Variants in PRKCB observed in about 807,000 individuals in gnomAD.
The protein encoded by PRKCB is protein kinase C beta type.
Under a neutral mutation model 81.5 loss-of-function variants are expected in PRKCB, and 13 were observed. The observed-to-expected ratio is 0.16, with a 90% CI of 0.10 to 0.25. The LOEUF (loss-of-function observed/expected upper bound fraction) is 0.25. PRKCB is among the 10% of genes least tolerant of loss of function. The pLI, the probability that PRKCB is intolerant of heterozygous loss-of-function variation, is 1.00. For synonymous variants in PRKCB, 335 were observed against 321.4 expected (o/e 1.04, Z -0.45); for missense variants, 509 against 875.7 (o/e 0.58, Z 5.29).
At chr16:23,925,922 C>G (rs1963890323) in intron 2 of PRKCB, among the ~76,000 whole-genome samples, 1 of 150,678 alleles carries the variant, frequency 6.6e-6, no homozygotes, top group Non-Finnish European at 1.5e-5. Flanking sequence ...TTGACTTTCT[C>G]TTTCTGAGTT....
At chr16:23,925,447 G>GT (rs1476410986) in intron 2 of PRKCB, among the ~76,000 whole-genome samples, 2 of 151,978 alleles carry the variant, frequency 1.3e-5, no homozygotes, top group Non-Finnish European at 2.9e-5. Context: ...CAGGATGCCT[G>GT]TGTTCTTAAG....
Position 24,216,940 on chromosome 16 carries a change from C to G in PRKCB, c.*2124C>G. 3 of 985,380 alleles carry G rather than the reference C, an allele frequency of 3.0e-6. No individual in the cohort carries two copies. Among genetic ancestry groups the G allele is most frequent in the Non-Finnish European group, 3.6e-6 (3 of 829,928 alleles). 61.0% of individuals were successfully genotyped at this position (985,380 alleles called of 1,614,324 possible). A position where few individuals can be genotyped will look rare whatever the true frequency, so the allele number is the denominator to read the frequency against. On this transcript the variant is annotated 3_prime_UTR_variant, in exon 17 of 17. Transcript: ENST00000643927. ...GGCAGCAGACATCTCTGAGCCAGGC[C>G]CACCAACAGGCCCTTATCTGGTGGT...
At chr16:23,993,941 A>C (rs918115064) in intron 3 of PRKCB, among the ~76,000 whole-genome samples, 2 of 152,234 alleles carry the variant, frequency 1.3e-5, no homozygotes, top group African/African-American at 4.8e-5. Flanking sequence ...AATCATAAAA[A>C]TAGAGAATCA....
At chr16:24,198,906 A>T (rs2141985159) in intron 16 of PRKCB, among the ~76,000 whole-genome samples, 1 of 152,254 alleles carries the variant, frequency 6.6e-6, no homozygotes, top group East Asian at 1.9e-4. Flanking sequence ...TCCTGTCTAG[A>T]CATCACTACA....
intron 2 of PRKCB, among the ~76,000 whole-genome samples, chr16:23,881,507 C>T (rs1963106816): frequency 6.6e-6 from 1 of 152,160 alleles, no homozygotes; most frequent in Non-Finnish European, 1.5e-5. Flanking sequence ...TCACCTTGGC[C>T]TCCCAAAGTG....
At chr16:24,164,687 G>A (rs550602537) in intron 10 of PRKCB, among the ~76,000 whole-genome samples, 1 of 152,344 alleles carries the variant, frequency 6.6e-6, no homozygotes, top group South Asian at 2.1e-4. Flanking sequence ...TCAGCCCAGC[G>A]AGATGAGAGT....
intron 5 of PRKCB, among the ~76,000 whole-genome samples, chr16:24,056,291 C>T (rs1965901807): frequency 6.6e-6 from 1 of 152,214 alleles, no homozygotes; most frequent in African/African-American, 2.4e-5. Flanking sequence ...CCATCTCTGC[C>T]TGTCACTAGT....
chr16:24,027,976 C>T (rs1965503792), intron 3 of PRKCB, among the ~76,000 whole-genome samples: 1 of 152,148 alleles, frequency 6.6e-6, no homozygotes, highest in African/African-American at 2.4e-5. Flanking sequence ...CACTGTGTTG[C>T]CTAGGCTGAT....
chr16:23,935,092 G>T (rs1170166223), intron 2 of PRKCB, among the ~76,000 whole-genome samples: 2 of 152,096 alleles, frequency 1.3e-5, no homozygotes, highest in East Asian at 3.9e-4. Flanking sequence ...GGGCTTAATA[G>T]GTACAAACTG....
intron 9 of PRKCB, among the ~76,000 whole-genome samples, chr16:24,133,477 C>T (rs1293373530): frequency 6.6e-6 from 1 of 152,216 alleles, no homozygotes; most frequent in Non-Finnish European, 1.5e-5. Flanking sequence ...AGGCTTCAGC[C>T]TTATGGGAGT....
At position 23,836,616 on chromosome 16, in the gene PRKCB, C is replaced by T. The variant is rs192020618; in HGVS notation, c.173+268C>T. On this transcript the variant is annotated intron_variant, in intron 1 of 16. Transcript: ENST00000643927. ...GCGCCTCTAGAGCGCCCAGGGGCGG[C>T]GTCGCGGGAGCCTTTGCTCCACCTG... 5.3e-5 allele frequency among the ~76,000 whole-genome samples: 8 copies of T among 151,884 alleles called. No homozygotes were observed. In the East Asian group the frequency reaches 1.6e-3, roughly 30 times the overall value.
intron 5 of PRKCB, among the ~76,000 whole-genome samples, chr16:24,092,014 T>G (rs1256555935): frequency 1.3e-5 from 2 of 152,198 alleles, no homozygotes; most frequent in Admixed American, 1.3e-4. Flanking sequence ...GAGGTAAAAT[T>G]AACGTAACAT....
Position 23,970,556 on chromosome 16 carries a change from C to T in PRKCB, c.206-17952C>T, listed in dbSNP as rs553321420. ...TTTTTTTACTTTCATTCAGCCTTCC[C>T]ATTTTTCTTCAAAGGGCAGAATATG... On this transcript the variant is annotated intron_variant, in intron 2 of 16. Coordinates refer to ENST00000643927, the MANE Select transcript of PRKCB (RefSeq NM_002738.7). Among the ~76,000 whole-genome samples, 5 of 152,330 alleles carry T rather than the reference C, an allele frequency of 3.3e-5. No homozygotes were observed. In the South Asian group the frequency reaches 1.0e-3, roughly 32 times the overall value.
At chr16:24,135,796 T>TATAC (rs897237132) in intron 9 of PRKCB, among the ~76,000 whole-genome samples, 5 of 152,222 alleles carry the variant, frequency 3.3e-5, no homozygotes, top group African/African-American at 9.6e-5. Context: ...CACACAGACA[T>TATAC]ATACATACAT....
At chr16:23,956,344 C>G (rs113803009) in intron 2 of PRKCB, among the ~76,000 whole-genome samples, 2 of 152,106 alleles carry the variant, frequency 1.3e-5, no homozygotes, top group Admixed American at 1.3e-4. Context: ...AGGCTAGTAA[C>G]TTTTTCCCTT....
At position 23,968,463 on chromosome 16, in the gene PRKCB, A is replaced by T. The variant is rs146101490; in HGVS notation, c.206-20045A>T. 1.4e-3 allele frequency among the ~76,000 whole-genome samples: 208 copies of T among 152,304 alleles called. 1 individual carries two copies. Among genetic ancestry groups the T allele is most frequent in the African/African-American group, 4.7e-3 (196 of 41,568 alleles). Reference sequence around the variant, plus strand: ...GAGAGCTGGGGCTAAGAAGGAAGGCATCGCCAGCAGGAACCATGGTCCTGG... The same window carrying T: ...GAGAGCTGGGGCTAAGAAGGAAGGCTTCGCCAGCAGGAACCATGGTCCTGG... On this transcript the variant is annotated intron_variant, in intron 2 of 16. Transcript: ENST00000643927.
At position 23,839,688 on chromosome 16, in the gene PRKCB, A is replaced by T. The variant is rs566802552; in HGVS notation, c.205+2282A>T. ...ACCAGGCAAGTCCCTGTCGGTCTGA[A>T]TCCTAGCTTTGAGACTTCCCAGGCA... On this transcript the variant is annotated intron_variant, in intron 2 of 16. Transcript: ENST00000643927. Among the ~76,000 whole-genome samples the T allele has an allele frequency of 2.7e-4, 41 of 152,184 alleles. No homozygotes were observed. The South Asian group carries it at 8.3e-3, about 31-fold the overall frequency.
intron 9 of PRKCB, among the ~76,000 whole-genome samples, chr16:24,141,881 G>A (rs1208952910): frequency 1.3e-5 from 2 of 152,198 alleles, no homozygotes; most frequent in Non-Finnish European, 2.9e-5. Flanking sequence ...GACATTGGTC[G>A]ATTGCTCTGA....
In PRKCB at chr16:24,209,982, G is replaced by A. The variant is rs1317843944; in HGVS notation, c.1864-4676G>A. Among the ~76,000 whole-genome samples the A allele has an allele frequency of 2.6e-5, 4 of 152,108 alleles. No homozygotes were observed. The South Asian group carries it at 6.3e-4, about 24-fold the overall frequency. ...AAAAAAAAAATTAGTCCTGCGTGGT[G>A]GTGCACACCTGTAGTCCTAGCTACT... On this transcript the variant is annotated intron_variant, in intron 16 of 16. Coordinates refer to ENST00000643927, the MANE Select transcript of PRKCB (RefSeq NM_002738.7).
Sources: allele counts gnomAD v4.1 joint callset (sites outside exome capture counted in the v4.1 genomes callset), GRCh38; gene constraint gnomAD v4.1.1; transcripts MANE v1.5; gene names NCBI Gene and HGNC (gene_info 2026-07-23, HGNC 2026-07-21).